SIDT2: variants seen among roughly 807,000 people sequenced by gnomAD.
SIDT2 encodes SID1 transmembrane family, member 2.
A neutral mutation model predicts 114.4 loss-of-function variants in SIDT2; 68 were observed. That is an observed-to-expected ratio of 0.59 (90% CI 0.49 to 0.73). SIDT2 has a LOEUF of 0.73. Ranked by LOEUF, SIDT2 falls within the 30% of genes least tolerant of loss-of-function variation. SIDT2 has a pLI of 0.00. For synonymous variants in SIDT2, 470 were observed against 438.4 expected (o/e 1.07, Z -0.90); for missense variants, 918 against 1,097.1 (o/e 0.84, Z 2.31).
chr11:117,181,741 G>A (rs545486113), intron 2 of SIDT2, 66 bp from the exon 3 acceptor site: 291 of 1,606,068 alleles, frequency 1.8e-4, no homozygotes, highest in Non-Finnish European at 2.3e-4. Flanking sequence ...GTGGGGCCTC[G>A]CTCCTCTGGA....
In SIDT2 at chr11:117,192,774, C is replaced by T. The variant is rs1313696237; in HGVS notation, c.2059-46C>T. ...AGCTGGCTGGGCCTTCTTCCACCAC[C>T]CTCCCTGCCCCTGCCCTCAGTCCCT... On this transcript the variant is annotated intron_variant, in intron 21 of 25. Transcript: ENST00000324225. The surrounding 1 kb of genome is among the most constrained non-coding windows in gnomAD (Gnocchi z 5.9). 9 of 1,613,318 alleles carry T rather than the reference C, an allele frequency of 5.6e-6. No individual in the cohort carries two copies. In the African/African-American group the frequency reaches 1.1e-4, roughly 19 times the overall value.
In SIDT2 at chr11:117,188,045, T is replaced by C. The variant is rs2030566253; in HGVS notation, c.1159+346T>C. ...GCTGTGGGGCCAGAAAGATTCTATGTGCATGGCTTCCCCATGTAATTCCAG... is the reference window on the plus strand; with the variant it reads ...GCTGTGGGGCCAGAAAGATTCTATGCGCATGGCTTCCCCATGTAATTCCAG... On this transcript the variant is annotated intron_variant, in intron 12 of 25. Transcript: ENST00000324225. The surrounding 1 kb of genome is among the most constrained non-coding windows in gnomAD (Gnocchi z 4.0). 1 of 524,428 alleles carries C rather than the reference T, an allele frequency of 1.9e-6. No homozygotes were observed. Among genetic ancestry groups the C allele is most frequent in the Non-Finnish European group, 3.7e-6 (1 of 271,468 alleles). 32.5% of individuals were successfully genotyped at this position (524,428 alleles called of 1,614,324 possible).
chr11:117,179,881 A>G (rs1229981234), intron 1 of SIDT2: 1 of 155,598 alleles, frequency 6.4e-6, no homozygotes, highest in Non-Finnish European at 1.4e-5. Flanking sequence ...CAGACTCCCC[A>G]GGGAGATGAA....
chr11:117,195,155 TG>T (rs2030854611), intron 24 of SIDT2, among the ~76,000 whole-genome samples: 1 of 140,212 alleles, frequency 7.1e-6, no homozygotes, highest in African/African-American at 2.6e-5. Context: ...CCAGACCTAC[TG>T]TGACCTTAGT....
chr11:117,180,968 G>A (rs1177129660), intron 1 of SIDT2, among the ~76,000 whole-genome samples: 1 of 152,202 alleles, frequency 6.6e-6, no homozygotes, highest in African/African-American at 2.4e-5. Flanking sequence ...CTGGCCCCAG[G>A]TTAGCTGTTA....
Position 117,190,829 on chromosome 11 carries a change from C to A in SIDT2, c.1735+89C>A. On this transcript the variant is annotated intron_variant, in intron 18 of 25. Coordinates refer to ENST00000324225, the MANE Select transcript of SIDT2 (RefSeq NM_001040455.2). The surrounding 1 kb of genome is among the most constrained non-coding windows in gnomAD (Gnocchi z 4.1). ...ATCCCCAAGTCACCCACAGGGATCG[C>A]TAAGACACCCCTGTAGGAAACTCCA... The A allele has an allele frequency of 9.7e-7, 1 of 1,031,354 alleles. No homozygotes were observed. Among genetic ancestry groups the A allele is most frequent in the Non-Finnish European group, 1.5e-6 (1 of 660,116 alleles). The allele number at this position is 1,031,354 out of a possible 1,614,324, so 63.9% of individuals were successfully genotyped here. A position where few individuals can be genotyped will look rare whatever the true frequency, so the allele number is the denominator to read the frequency against.
chr11:117,182,546 G>T lies in SIDT2; in HGVS notation c.544G>T (p.Val182Leu). 1 of 1,614,176 alleles carries T rather than the reference G, an allele frequency of 6.2e-7. No homozygotes were observed. Among genetic ancestry groups the T allele is most frequent in the African/African-American group, 1.3e-5 (1 of 75,042 alleles). ...QYFKYEFPEG[V>L]DSVIVKVTSN... ...CTTCAAGTATGAGTTCCCTGAAGGCGTGGACTCGGTAATTGTCAAGGTGAC... is the reference window on the plus strand; with the variant it reads ...CTTCAAGTATGAGTTCCCTGAAGGCTTGGACTCGGTAATTGTCAAGGTGAC... Residue 182 changes from valine to leucine, a missense_variant, in exon 5 of 26, where the codon GTG becomes TTG. Around this residue, in one of 4 missense-constraint regions of SIDT2, gnomAD observed 553 missense variants for 600.1 expected, o/e 0.92. Transcript: ENST00000324225.
At chr11:117,187,233 G>C (rs2030529572) in intron 10 of SIDT2, 145 bp from the exon 11 acceptor site, 2 of 922,454 alleles carry the variant, frequency 2.2e-6, no homozygotes, top group Non-Finnish European at 1.7e-6. Context: ...CAGCAGTGGG[G>C]TGTGTTTGCC....
At chr11:117,193,359 A>G in intron 23 of SIDT2, 101 bp downstream of exon 23, 3 of 1,058,184 alleles carry the variant, frequency 2.8e-6, no homozygotes, top group South Asian at 3.0e-5. Context: ...TTTCTGTCCC[A>G]TCTTTGCTGG....
rs776190691 is a variant in SIDT2, at chr11:117,190,676, G to A, written c.1671G>A (p.Leu557=). 2.5e-6 allele frequency: 4 copies of A among 1,612,530 alleles called. No homozygotes were observed. The South Asian group carries it at 4.4e-5, about 18-fold the overall frequency. Residue 557 remains leucine (L), a synonymous_variant, in exon 18 of 26, where the codon CTG becomes CTA. Transcript: ENST00000324225. This position sits in a 1 kb window ranked among gnomAD's most constrained non-coding sequence, Gnocchi z 4.1. ...FGLFYAMGTA[L]MMEGLLSACY... ...TTTTCTACGCCATGGGCACAGCCCT[G>A]ATGATGGAGGGGCTGCTCAGTGCTT... is the stretch of plus-strand genomic sequence containing the variant.
chr11:117,196,276 G>T lies in SIDT2; in HGVS notation c.*210G>T. 1.6e-6 allele frequency: 1 copy of T among 644,746 alleles called. No homozygotes were observed. Among genetic ancestry groups the T allele is most frequent in the Non-Finnish European group, 2.6e-6 (1 of 379,634 alleles). 39.9% of individuals were successfully genotyped at this position (644,746 alleles called of 1,614,324 possible). A position where few individuals can be genotyped will look rare whatever the true frequency, so the allele number is the denominator to read the frequency against. On this transcript the variant is annotated 3_prime_UTR_variant, in exon 26 of 26. Coordinates refer to ENST00000324225, the MANE Select transcript of SIDT2 (RefSeq NM_001040455.2). The surrounding 1 kb of genome is among the most constrained non-coding windows in gnomAD (Gnocchi z 4.9). ...CTGCCCTCTGCCGAGGAGCAGGCCT[G>T]CTCCCCTGGAACCCCCAGATGTTGG...
Position 117,190,192 on chromosome 11 carries a change from T to G in SIDT2, c.1520T>G (p.Leu507Arg). The G allele has an allele frequency of 6.3e-7, 1 of 1,581,934 alleles. No individual in the cohort carries two copies. The highest frequency in any genetic ancestry group is 8.6e-7 in the Non-Finnish European group (1 of 1,164,166). The change falls in exon 17 of 26, where the codon CTG becomes CGG. Residue 507 changes from leucine (L) to arginine (R), a missense_variant. Leu to Arg is a moderately radical substitution (Grantham distance 102). Transcript: ENST00000324225. This position sits in a 1 kb window ranked among gnomAD's most constrained non-coding sequence, Gnocchi z 4.1. ...GCCTTCAACAACATCCTCAGCAACC[T>G]GGGGTACATCCTGCTGGGGCTGCTT... ...LSAFNNILSN[L>R]GYILLGLLFL... is the part of the protein sequence containing the mutation.
Position 117,191,520 on chromosome 11 carries a change from G to A in SIDT2, c.1736-358G>A, listed in dbSNP as rs550984864. The stretch of plus-strand genomic sequence containing the variant: ...AATTGCTTGAGCCCAGGAAGCGGAG[G>A]TTGCAGTGAGCCGAGATCCCACCAT... On this transcript the variant is annotated intron_variant, in intron 18 of 25. Coordinates refer to ENST00000324225, the MANE Select transcript of SIDT2 (RefSeq NM_001040455.2). The A allele has an allele frequency of 1.5e-4, 34 of 225,434 alleles. No individual in the cohort carries two copies. In the Admixed American group the frequency reaches 1.7e-3, roughly 11 times the overall value. The allele number at this position is 225,434 out of a possible 1,614,324, so 14.0% of individuals were successfully genotyped here. A position where few individuals can be genotyped will look rare whatever the true frequency, so the allele number is the denominator to read the frequency against.
In SIDT2 at chr11:117,187,451, T is replaced by G. The variant is rs2030540628; in HGVS notation, c.1087+2T>G. The G allele has an allele frequency of 1.2e-6, 2 of 1,613,896 alleles. No individual in the cohort carries two copies. Among genetic ancestry groups the G allele is most frequent in the Non-Finnish European group, 1.7e-6 (2 of 1,179,820 alleles). On this transcript the variant is annotated splice_donor_variant, in intron 11 of 25. Transcript: ENST00000324225. LOFTEE classifies it high-confidence loss of function. ...AGGGTTACAACTATGGCTCCTTTGG[T>G]ACGTGTCAAAGCCAGCACCGTGCTT...
rs375824342 is a variant in SIDT2, at chr11:117,181,957, C to A, written c.456C>A (p.Asp152Glu). The A allele has an allele frequency of 7.4e-6, 12 of 1,614,034 alleles. No homozygotes were observed. Among genetic ancestry groups the A allele is most frequent in the Middle Eastern group, 1.6e-4 (1 of 6,084 alleles). Residue 152 changes from aspartate to glutamate, a missense_variant, in exon 3 of 26, where the codon GAC becomes GAA. Physicochemically the swap from Asp to Glu is conservative, Grantham distance 45. Coordinates refer to ENST00000324225, the MANE Select transcript of SIDT2 (RefSeq NM_001040455.2). ...ACCAGCTCCGGGTCAGCCGCATGGA[C>A]GATTTTGTGCTCAGGTCTGCAGGGT... ...TTYQLRVSRMDDFVLRTGEQF... is the reference protein window; with the variant it reads ...TTYQLRVSRMEDFVLRTGEQF...
At chr11:117,181,699 G>A (rs543335804) in intron 2 of SIDT2, 108 bp from the exon 3 acceptor site, 51 of 1,570,944 alleles carry the variant, frequency 3.2e-5, no homozygotes, top group Middle Eastern at 3.5e-4. Context: ...TGTGCACCTC[G>A]CAGGGAGGTG....
chr11:117,186,065 T>G, intron 8 of SIDT2, 65 bp from the exon 9 acceptor site: 1 of 1,384,694 alleles, frequency 7.2e-7, no homozygotes, highest in Non-Finnish European at 1.0e-6. Context: ...TGAAGGCCTT[T>G]GGGTGCCATG....
In SIDT2 at chr11:117,188,882, G is replaced by T; in HGVS notation, c.1278+56G>T. ...GTTTCCTGAGAAAGGGACATTCTGC[G>T]TTCCCGCCCCAGCATGTTCCCACTG... On this transcript the variant is annotated intron_variant, in intron 13 of 25. Transcript: ENST00000324225. The surrounding 1 kb of genome is among the most constrained non-coding windows in gnomAD (Gnocchi z 4.0). The T allele has an allele frequency of 6.7e-7, 1 of 1,501,678 alleles. No homozygotes were observed. Among genetic ancestry groups the T allele is most frequent in the South Asian group, 1.1e-5 (1 of 88,846 alleles). The allele number at this position is 1,501,678 out of a possible 1,614,324, so 93.0% of individuals were successfully genotyped here.
rs2030753584 is a variant in SIDT2, at chr11:117,192,827, TG to T, written c.2068del (p.Val690CysfsTer47). The T allele has an allele frequency of 6.2e-7, 1 of 1,614,030 alleles. No homozygotes were observed. Among genetic ancestry groups the T allele is most frequent in the Admixed American group, 1.7e-5 (1 of 60,008 alleles). On this transcript the variant is annotated frameshift_variant, in exon 22 of 26. Transcript: ENST00000324225. LOFTEE classifies it high-confidence loss of function. The surrounding 1 kb of genome is among the most constrained non-coding windows in gnomAD (Gnocchi z 5.9). Reference sequence around the variant, plus strand: ...GTCCCTGCTTCCCTCCAGGACCGCATGGTGCTGCTGGTCATGGGCAACGTCA... The same window carrying T: ...GTCCCTGCTTCCCTCCAGGACCGCATGTGCTGCTGGTCATGGGCAACGTCA... ...QCSGPLYVDR[M>X]VLLVMGNVIN...
Sources: gnomAD v4.1 joint callset for allele counts (sites outside exome capture counted in the v4.1 genomes callset) on GRCh38, gnomAD v4.1.1 for gene constraint, gnomAD v4.1.1 regional missense constraint, Gnocchi (gnomAD v3.1) non-coding constraint, MANE v1.5 for transcripts, NCBI Gene and HGNC (gene_info 2026-07-23, HGNC 2026-07-21) for gene names.